TTC27: variants seen among roughly 807,000 people sequenced by gnomAD.
TTC27 encodes the protein tetratricopeptide repeat protein 27.
A neutral mutation model predicts 115.9 loss-of-function variants in TTC27; 79 were observed. The ratio of observed to expected loss-of-function variants is 0.68; its 90% CI spans 0.57 to 0.82. The LOEUF is 0.82. TTC27 is among the 40% of genes least tolerant of loss of function. The probability of loss-of-function intolerance (pLI) is 0.00; values close to 1 mark genes in which losing one functional copy is unlikely to be tolerated. For missense variants in TTC27, 1,054 were observed against 993.1 expected (o/e 1.06, Z -0.82); for synonymous variants, 401 against 356.0 (o/e 1.13, Z -1.42).
intron 9 of TTC27, among the ~76,000 whole-genome samples, chr2:32,689,461 A>G (rs566665616): frequency 6.6e-6 from 1 of 152,264 alleles, no homozygotes; most frequent in African/African-American, 2.4e-5. Context: ...CAATTTACCT[A>G]ATTATTAAGT....
At position 32,733,937 on chromosome 2, in the gene TTC27, T is replaced by C; in HGVS notation, c.1329+14T>C. On this transcript the variant is annotated intron_variant, in intron 11 of 19. Coordinates refer to ENST00000317907, the MANE Select transcript of TTC27 (RefSeq NM_017735.5). ...TGGGCCATTCAGGTATTTCTGTTGT[T>C]TGTCATTGGGTATGGAAATTACTTG... 6.3e-7 allele frequency: 1 copy of C among 1,581,076 alleles called. No homozygotes were observed. The highest frequency in any genetic ancestry group is 1.1e-5 in the South Asian group (1 of 89,044).
chr2:32,681,377 C>T (rs1357117924), intron 9 of TTC27, among the ~76,000 whole-genome samples: 1 of 152,080 alleles, frequency 6.6e-6, no homozygotes, highest in Non-Finnish European at 1.5e-5. Flanking sequence ...ATCAGTTCTT[C>T]CTCCTGTCCC....
At position 32,702,903 on chromosome 2, in the gene TTC27, G is replaced by A. The variant is rs1037600064; in HGVS notation, c.1216G>A (p.Ala406Thr). The change falls in exon 10 of 20, where the codon GCA (alanine) becomes ACA (threonine). Residue 406 changes from alanine (A) to threonine (T), a missense_variant. Ala to Thr is a moderately conservative substitution (Grantham distance 58). Transcript: ENST00000317907. Reference protein sequence around the residue: ...EKGSTRRVERAMRQTQALADQ... With the variant: ...EKGSTRRVERTMRQTQALADQ... ...AGGAAGTACTCGCCGAGTGGAACGG[G>A]CAATGAGGCAGACACAGGTAAGAAT... The A allele has an allele frequency of 4.3e-6, 7 of 1,613,690 alleles. No individual in the cohort carries two copies. Among genetic ancestry groups the A allele is most frequent in the Non-Finnish European group, 5.1e-6 (6 of 1,179,748 alleles).
intron 5 of TTC27, among the ~76,000 whole-genome samples, chr2:32,658,086 C>A (rs1252154459): frequency 6.6e-6 from 1 of 152,150 alleles, no homozygotes; most frequent in African/African-American, 2.4e-5. Flanking sequence ...CCTTGGCCTC[C>A]CAAAGTGCTG....
chr2:32,701,051 A>G (rs371445890), intron 9 of TTC27, among the ~76,000 whole-genome samples: 1 of 152,016 alleles, frequency 6.6e-6, no homozygotes, highest in Non-Finnish European at 1.5e-5. Flanking sequence ...TTTCAAGGGG[A>G]TGAAAATATT....
At chr2:32,799,718 T>C (rs1335759501) in intron 16 of TTC27, among the ~76,000 whole-genome samples, 2 of 152,206 alleles carry the variant, frequency 1.3e-5, no homozygotes, top group Admixed American at 6.6e-5. Flanking sequence ...TAACATCTGC[T>C]GCAGGAATGA....
chr2:32,688,977 C>T lies in TTC27; in HGVS notation c.1119+10055C>T, dbSNP rs560641772. On this transcript the variant is annotated intron_variant, in intron 9 of 19. Transcript: ENST00000317907. ...GAAACAACCCAAATGTCCATCAAAACAAATGAGTGATAAACTGCCATGTAT... is the reference window on the plus strand; with the variant it reads ...GAAACAACCCAAATGTCCATCAAAATAAATGAGTGATAAACTGCCATGTAT... 7.2e-5 allele frequency among the ~76,000 whole-genome samples: 11 copies of T among 152,220 alleles called. 1 individual carries two copies. The South Asian group carries it at 2.1e-3, about 29-fold the overall frequency.
At chr2:32,746,563 C>CAAAAAA (rs770621313) in intron 12 of TTC27, among the ~76,000 whole-genome samples, 20,340 of 45,988 alleles carry the variant, frequency 0.44, 5,886 homozygotes, top group East Asian at 0.57. Flanking sequence ...AACTCCATCT[C>CAAAAAA]AAAAAAAAAA....
intron 18 of TTC27, among the ~76,000 whole-genome samples, chr2:32,817,247 TAA>T (rs538198225): frequency 1.4e-5 from 2 of 142,580 alleles, no homozygotes; most frequent in Non-Finnish European, 1.5e-5. Flanking sequence ...CCCTGTATCT[TAA>T]AAAAAAAAAA....
chr2:32,716,635 G>C (rs552587079), intron 10 of TTC27, among the ~76,000 whole-genome samples: 1 of 151,544 alleles, frequency 6.6e-6, no homozygotes, highest in African/African-American at 2.4e-5. Flanking sequence ...TTCAATTGTT[G>C]GGGATTGTTA....
At chr2:32,739,777 A>G (rs1037115233) in intron 12 of TTC27, among the ~76,000 whole-genome samples, 3 of 152,152 alleles carry the variant, frequency 2.0e-5, no homozygotes, top group African/African-American at 7.2e-5. Context: ...TTAGAAGCAA[A>G]TGTTTTATTT....
intron 18 of TTC27, among the ~76,000 whole-genome samples, chr2:32,813,319 CCTAA>C (rs1671380572): frequency 6.6e-6 from 1 of 152,142 alleles, no homozygotes; most frequent in African/African-American, 2.4e-5. Flanking sequence ...TACTTCCCTG[CCTAA>C]CTAACTTCCT....
At chr2:32,671,737 A>G (rs2151884047) in intron 7 of TTC27, among the ~76,000 whole-genome samples, 1 of 152,326 alleles carries the variant, frequency 6.6e-6, no homozygotes, top group African/African-American at 2.4e-5. Context: ...CATTGATAAC[A>G]AGCTATTTGT....
intron 10 of TTC27, among the ~76,000 whole-genome samples, chr2:32,729,989 G>T (rs1454711803): frequency 2.0e-5 from 3 of 152,130 alleles, no homozygotes; most frequent in Non-Finnish European, 4.4e-5. Flanking sequence ...AAATTTCTGG[G>T]CGTGTGTGAA....
At chr2:32,651,450 A>C (rs1665123269) in intron 5 of TTC27, among the ~76,000 whole-genome samples, 1 of 152,066 alleles carries the variant, frequency 6.6e-6, no homozygotes, top group Non-Finnish European at 1.5e-5. Flanking sequence ...GGGTTCAAAC[A>C]ATTCTCCTGC....
intron 15 of TTC27, among the ~76,000 whole-genome samples, chr2:32,785,211 C>G (rs972537824): frequency 2.0e-5 from 3 of 152,168 alleles, no homozygotes; most frequent in African/African-American, 7.2e-5. Flanking sequence ...TCTGTCTTCA[C>G]TTCTTTGTAG....
chr2:32,686,431 T>C (rs1355947841), intron 9 of TTC27, among the ~76,000 whole-genome samples: 1 of 152,066 alleles, frequency 6.6e-6, no homozygotes. Flanking sequence ...AAAGGCACGA[T>C]CTTAGCTTAC....
chr2:32,755,629 C>G lies in TTC27; in HGVS notation c.1453-2663C>G, dbSNP rs201251410. ...GAGGGAGAGGGAGACCGTGGGGAGACGGAGAGGGAGAGGGAGAGGGAGCCG... is the reference window on the plus strand; with the variant it reads ...GAGGGAGAGGGAGACCGTGGGGAGAGGGAGAGGGAGAGGGAGAGGGAGCCG... On this transcript the variant is annotated intron_variant, in intron 12 of 19. Coordinates refer to ENST00000317907, the MANE Select transcript of TTC27 (RefSeq NM_017735.5). 4.5e-3 allele frequency among the ~76,000 whole-genome samples: 676 copies of G among 150,382 alleles called. 1 individual carries two copies. Among genetic ancestry groups the G allele is most frequent in the Non-Finnish European group, 6.2e-3 (417 of 67,372 alleles).
chr2:32,775,954 ATTGAAGCTCTTTTCATTTAATTTTAT>A (rs1474887027), intron 13 of TTC27, among the ~76,000 whole-genome samples: 1 of 152,216 alleles, frequency 6.6e-6, no homozygotes, highest in African/African-American at 2.4e-5. Context: ...GGTTTGGTGC[ATTGAAGCTCTTTTCATTTAATTTTAT>A]TAAAAAACAG....
Sources: gnomAD v4.1 joint callset for allele counts (sites outside exome capture counted in the v4.1 genomes callset) on GRCh38, gnomAD v4.1.1 for gene constraint, MANE v1.5 for transcripts, NCBI Gene and HGNC (gene_info 2026-07-23, HGNC 2026-07-21) for gene names.